Variants in IQGAP2 observed in about 807,000 individuals in gnomAD.
IQGAP2 encodes ras GTPase-activating-like protein IQGAP2.
A neutral mutation model predicts 201.3 loss-of-function variants in IQGAP2; 173 were observed. The ratio of observed to expected loss-of-function variants is 0.86; its 90% confidence interval spans 0.76 to 0.98. The LOEUF is 0.98. Among genes scored for constraint, IQGAP2 ranks in the 50% least tolerant of loss-of-function variants. The pLI is 0.00. For missense variants in IQGAP2, 1,687 were observed against 1,864.8 expected (o/e 0.90, Z 1.76); for synonymous variants, 675 against 673.9 (o/e 1.00, Z -0.03).
rs117708336 is a variant in IQGAP2, at chr5:76,458,721, A to G, written c.47-2849A>G. 1.1e-3 allele frequency among the ~76,000 whole-genome samples: 161 copies of G among 152,270 alleles called. 3 individuals are homozygous for G. The East Asian group carries it at 0.03, about 29-fold the overall frequency. ...CTTTGACTCACATGTGGCACATAGAACCTACGAATTGAACATTAGTTGAGT... is the reference window on the plus strand; with the variant it reads ...CTTTGACTCACATGTGGCACATAGAGCCTACGAATTGAACATTAGTTGAGT... On this transcript the variant is annotated intron_variant, in intron 1 of 35. Transcript: ENST00000274364.
rs747615818 is a variant in IQGAP2, at chr5:76,674,624, G to A, written c.3442G>A (p.Ala1148Thr). 23 of 1,614,072 alleles carry A rather than the reference G, an allele frequency of 1.4e-5. No homozygotes were observed. Among genetic ancestry groups the A allele is most frequent in the Admixed American group, 1.2e-4 (7 of 60,016 alleles). Residue 1148 changes from alanine (A) to threonine (T), a missense_variant, in exon 27 of 36, where the codon GCA becomes ACA. Ala to Thr is a moderately conservative substitution (Grantham distance 58). Transcript: ENST00000274364. ...LGSVAKVLQH[A>T]ASNKLFEGEN... is the part of the protein sequence containing the mutation. ...ATCAGTGGCCAAGGTTCTTCAGCAC[G>A]CAGCCTCCAACAAGCTGTTTGAAGG...
chr5:76,577,027 A>AACCC (rs1745514261), intron 5 of IQGAP2, among the ~76,000 whole-genome samples: 1 of 152,246 alleles, frequency 6.6e-6, no homozygotes, highest in Non-Finnish European at 1.5e-5. Context: ...TGATAACACT[A>AACCC]TAGTTAGTAC....
chr5:76,617,655 C>G (rs779249772), intron 13 of IQGAP2: 3 of 1,613,886 alleles, frequency 1.9e-6, no homozygotes, highest in South Asian at 1.1e-5. Flanking sequence ...ATCTAAGCAA[C>G]TATTAAGACT....
chr5:76,577,283 A>G (rs2150284358), intron 5 of IQGAP2, among the ~76,000 whole-genome samples: 1 of 152,370 alleles, frequency 6.6e-6, no homozygotes, highest in South Asian at 2.1e-4. Flanking sequence ...ACTTAGACTT[A>G]CATGTGTATT....
chr5:76,699,296 T>C (rs1308858973), intron 33 of IQGAP2: 1 of 152,214 alleles, frequency 6.6e-6, no homozygotes, highest in African/African-American at 2.4e-5. Context: ...ATGTCAGAAT[T>C]TCTTTGTTTT....
intron 28 of IQGAP2, among the ~76,000 whole-genome samples, chr5:76,682,163 A>G (rs1745364215): frequency 6.6e-6 from 1 of 152,208 alleles, no homozygotes; most frequent in South Asian, 2.1e-4. Context: ...CTGTGAATAC[A>G]CTAGAAGCCA....
chr5:76,609,295 A>G (rs1479009236), intron 12 of IQGAP2: 6 of 1,469,224 alleles, frequency 4.1e-6, no homozygotes, highest in Non-Finnish European at 2.8e-6. Context: ...CATGCACTCC[A>G]GTTTATAAAT....
intron 1 of IQGAP2, among the ~76,000 whole-genome samples, chr5:76,449,798 T>C (rs1753616933): frequency 6.6e-6 from 1 of 152,208 alleles, no homozygotes; most frequent in African/African-American, 2.4e-5. Context: ...CTATCTCCTC[T>C]GGTCTGCAGC....
chr5:76,411,552 G>A (rs1751121696), intron 1 of IQGAP2, among the ~76,000 whole-genome samples: 1 of 152,112 alleles, frequency 6.6e-6, no homozygotes, highest in South Asian at 2.1e-4. Context: ...CCTCCTGAAT[G>A]GGTTAATGTT....
At chr5:76,496,753 C>G (rs1176599820) in intron 2 of IQGAP2, among the ~76,000 whole-genome samples, 24 of 65,474 alleles carry the variant, frequency 3.7e-4, no homozygotes, top group African/African-American at 2.1e-3. Context: ...TTCTTTCTTT[C>G]TTTCTTTCTT....
chr5:76,673,801 G>C (rs1378144172), intron 25 of IQGAP2, 151 bp from the exon 26 acceptor site: 2 of 680,494 alleles, frequency 2.9e-6, no homozygotes, highest in African/African-American at 1.8e-5. Flanking sequence ...ATTATCATCA[G>C]TGGAAGTCCT....
chr5:76,408,449 C>T (rs1400037765), intron 1 of IQGAP2, among the ~76,000 whole-genome samples: 1 of 152,196 alleles, frequency 6.6e-6, no homozygotes, highest in Non-Finnish European at 1.5e-5. Context: ...GGCCACCCTG[C>T]TAGCTGGTGG....
intron 2 of IQGAP2, among the ~76,000 whole-genome samples, chr5:76,529,997 C>T (rs957860343): frequency 6.6e-5 from 10 of 152,106 alleles, no homozygotes; most frequent in African/African-American, 2.4e-4. Context: ...AACTATCAAT[C>T]ATGATGGTTG....
chr5:76,670,943 A>T (rs1744253393), intron 23 of IQGAP2, among the ~76,000 whole-genome samples: 1 of 152,210 alleles, frequency 6.6e-6, no homozygotes, highest in African/African-American at 2.4e-5. Context: ...TTATTTTCAG[A>T]TCCTCAAATT....
At position 76,437,112 on chromosome 5, in the gene IQGAP2, C is replaced by T. The variant is rs140906566; in HGVS notation, c.47-24458C>T. ...TGCCACCCAGGCTGGAGTGCAATGG[C>T]GCAATCTCGACTCACTGCAACCTCT... On this transcript the variant is annotated intron_variant, in intron 1 of 35. Transcript: ENST00000274364. Among the ~76,000 whole-genome samples, 301 of 151,924 alleles carry T rather than the reference C, an allele frequency of 2.0e-3. 4 individuals are homozygous for T. The South Asian group carries it at 0.023, about 12-fold the overall frequency.
intron 1 of IQGAP2, among the ~76,000 whole-genome samples, chr5:76,415,043 T>C (rs977604761): frequency 2.0e-5 from 3 of 152,248 alleles, no homozygotes; most frequent in Non-Finnish European, 2.9e-5. Context: ...TGAATATTTC[T>C]AGAAGGTTAT....
chr5:76,465,076 G>A (rs1375651564), intron 2 of IQGAP2, among the ~76,000 whole-genome samples: 1 of 152,102 alleles, frequency 6.6e-6, no homozygotes, highest in Non-Finnish European at 1.5e-5. Context: ...TTCTTCTGAG[G>A]CCTACATTAC....
At position 76,592,937 on chromosome 5, in the gene IQGAP2, A is replaced by T. The variant is rs755497274; in HGVS notation, c.907+12A>T. The T allele has an allele frequency of 2.6e-6, 4 of 1,536,412 alleles. No individual in the cohort carries two copies. The African/African-American group carries it at 5.5e-5, about 21-fold the overall frequency. ...TAATAAAGTCAACAGTAAGTAATGG[A>T]TCGTATGAAGGAAATTGATATTTCC... is the stretch of plus-strand genomic sequence containing the variant. On this transcript the variant is annotated intron_variant, in intron 9 of 35. Transcript: ENST00000274364.
At chr5:76,517,640 G>A (rs1758415305) in intron 2 of IQGAP2, among the ~76,000 whole-genome samples, 1 of 149,914 alleles carries the variant, frequency 6.7e-6, no homozygotes, top group African/African-American at 2.5e-5. Flanking sequence ...ATATAAGAAA[G>A]ACACTGTAAA....
Sources: allele counts gnomAD v4.1 joint callset (sites outside exome capture counted in the v4.1 genomes callset), GRCh38; gene constraint gnomAD v4.1.1; transcripts MANE v1.5; gene names NCBI Gene and HGNC (gene_info 2026-07-23, HGNC 2026-07-21).